The following ADAMTS2 variants were observed in gnomAD, a reference collection of about 807,000 sequenced individuals.
ADAMTS2 encodes A disintegrin and metalloproteinase with thrombospondin motifs 2.
A neutral mutation model predicts 123.0 loss-of-function variants in ADAMTS2; 50 were observed. The observed-to-expected ratio is 0.41, with a 90% CI of 0.32 to 0.51. The LOEUF (loss-of-function observed/expected upper bound fraction) is 0.51. ADAMTS2 is among the 20% of genes least tolerant of loss of function. ADAMTS2 has a pLI of 0.35. For synonymous variants in ADAMTS2, 678 were observed against 695.4 expected (o/e 0.98, Z 0.39); for missense variants, 1,494 against 1,705.2 (o/e 0.88, Z 2.18).
chr5:179,167,650 C>T (rs998593055), intron 5 of ADAMTS2, among the ~76,000 whole-genome samples: 11 of 152,190 alleles, frequency 7.2e-5, no homozygotes, highest in African/African-American at 2.7e-4. Context: ...GGCCGCCACG[C>T]GACCGAGGCT....
intron 9 of ADAMTS2, 71 bp from the exon 10 acceptor site, chr5:179,152,326 C>A (rs770450527): frequency 6.9e-7 from 1 of 1,453,288 alleles, no homozygotes. Flanking sequence ...CACCCACCCC[C>A]GGGTTCTGGA....
In ADAMTS2 at chr5:179,228,072, G is replaced by A. The variant is rs998548783; in HGVS notation, c.689-20357C>T. 1.8e-4 allele frequency among the ~76,000 whole-genome samples: 28 copies of A among 152,184 alleles called. No homozygotes were observed. The highest frequency in any genetic ancestry group is 4.4e-5 in the Non-Finnish European group (3 of 68,020). On this transcript the variant is annotated intron_variant, in intron 3 of 21. Transcript: ENST00000251582. This position sits in a 1 kb window ranked among gnomAD's most constrained non-coding sequence, Gnocchi z 5.2. Reference sequence around the variant, plus strand: ...GGAGGAGGAGAAGGCCGTGTGGGGCGTGTTGGGCTGAGATTTCTGTGGGGA... The same window carrying A: ...GGAGGAGGAGAAGGCCGTGTGGGGCATGTTGGGCTGAGATTTCTGTGGGGA...
In ADAMTS2 at chr5:179,129,916, C is replaced by A. The variant is rs1187504628; in HGVS notation, c.2457+16G>T. On this transcript the variant is annotated intron_variant, in intron 16 of 21. Transcript: ENST00000251582. The surrounding 1 kb of genome is among the most constrained non-coding windows in gnomAD (Gnocchi z 4.1). Reference sequence around the variant, plus strand: ...CACCCGCACCCTTCCCTGGGCCCAGCCCTGCTTGGACTCACCAGAACGGTG... The same window carrying A: ...CACCCGCACCCTTCCCTGGGCCCAGACCTGCTTGGACTCACCAGAACGGTG... 5 of 1,613,670 alleles carry A rather than the reference C, an allele frequency of 3.1e-6. No homozygotes were observed. The African/African-American group carries it at 5.3e-5, about 17-fold the overall frequency.
chr5:179,334,545 C>A (rs928534355), intron 2 of ADAMTS2, among the ~76,000 whole-genome samples: 1 of 152,166 alleles, frequency 6.6e-6, no homozygotes, highest in Non-Finnish European at 1.5e-5. Flanking sequence ...AGAGAAATAC[C>A]GGGGGCGTTG....
At chr5:179,178,330 G>A (rs537973752) in intron 5 of ADAMTS2, among the ~76,000 whole-genome samples, 1 of 115,202 alleles carries the variant, frequency 8.7e-6, no homozygotes, top group East Asian at 4.8e-4. Flanking sequence ...CCACCCCCAG[G>A]CTCTGCATCT....
chr5:179,244,804 C>T (rs537944597), intron 3 of ADAMTS2, among the ~76,000 whole-genome samples: 59 of 152,154 alleles, frequency 3.9e-4, no homozygotes, highest in Admixed American at 1.7e-3. Flanking sequence ...TTGAATCCAC[C>T]GCAACAAATG....
At chr5:179,343,072 T>A (rs2127463062) in intron 2 of ADAMTS2, among the ~76,000 whole-genome samples, 2 of 152,220 alleles carry the variant, frequency 1.3e-5, no homozygotes, top group African/African-American at 4.8e-5. Context: ...GAAAACCAAC[T>A]TTTCAAAGAA....
In ADAMTS2 at chr5:179,345,111, T is replaced by C. The variant is rs1757902300; in HGVS notation, c.139+79A>G. Reference sequence around the variant, plus strand: ...TGCCCAAGTCAGGCTGGACGACGCCTGGGGAGGGGGCGGCGGGGCACGCGG... The same window carrying C: ...TGCCCAAGTCAGGCTGGACGACGCCCGGGGAGGGGGCGGCGGGGCACGCGG... On this transcript the variant is annotated intron_variant, in intron 1 of 21. Transcript: ENST00000251582. The surrounding 1 kb of genome is among the most constrained non-coding windows in gnomAD (Gnocchi z 7.5). 3 of 999,264 alleles carry C rather than the reference T, an allele frequency of 3.0e-6. No individual in the cohort carries two copies. Among genetic ancestry groups the C allele is most frequent in the African/African-American group, 1.7e-5 (1 of 57,144 alleles). The allele number at this position is 999,264 out of a possible 1,614,324, so 61.9% of individuals were successfully genotyped here.
chr5:179,143,647 G>A (rs1265018832), intron 10 of ADAMTS2, among the ~76,000 whole-genome samples: 4 of 152,244 alleles, frequency 2.6e-5, no homozygotes, highest in South Asian at 2.1e-4. Context: ...TTATAAAAGC[G>A]CCAGAGGGAG....
rs772848383 is a variant in ADAMTS2, at chr5:179,344,161, C to T, written c.140G>A (p.Gly47Asp). The T allele has an allele frequency of 6.3e-6, 10 of 1,596,768 alleles. 1 individual carries two copies. The South Asian group carries it at 1.1e-4, about 18-fold the overall frequency. ...ARLAAAADPPGGPLGHGAERI... is the reference protein window; with the variant it reads ...ARLAAAADPPDGPLGHGAERI... ...CTCCGCTCCGTGCCCCAGGGGCCCG[C>T]CTGCAACGGGAAGGGGCGTTAGATC... The change falls in exon 2 of 22, where the codon GGC becomes GAC. Residue 47 changes from glycine (G) to aspartate (D), a missense_variant and splice_region_variant. Transcript: ENST00000251582.
chr5:179,335,744 T>C (rs1225441157), intron 2 of ADAMTS2, among the ~76,000 whole-genome samples: 1 of 152,226 alleles, frequency 6.6e-6, no homozygotes, highest in African/African-American at 2.4e-5. Context: ...TAGCAAGCCT[T>C]AGACAAGCCT....
At chr5:179,177,700 T>C (rs1763962005) in intron 5 of ADAMTS2, among the ~76,000 whole-genome samples, 1 of 152,158 alleles carries the variant, frequency 6.6e-6, no homozygotes, top group African/African-American at 2.4e-5. Flanking sequence ...TTTGACTCTC[T>C]TCTGCAAATG....
chr5:179,344,823 C>T lies in ADAMTS2; in HGVS notation c.139+367G>A, dbSNP rs1757893859. 2.0e-5 allele frequency among the ~76,000 whole-genome samples: 3 copies of T among 152,138 alleles called. No homozygotes were observed. The South Asian group carries it at 6.2e-4, about 31-fold the overall frequency. ...GGGCCCAAGGCTACGCGCTCGGCAG[C>T]CGGCTCCTCCGGAGCGTCCCCGGAC... On this transcript the variant is annotated intron_variant, in intron 1 of 21. Coordinates refer to ENST00000251582, the MANE Select transcript of ADAMTS2 (RefSeq NM_014244.5).
intron 4 of ADAMTS2, among the ~76,000 whole-genome samples, chr5:179,186,764 C>T (rs1387911028): frequency 6.6e-6 from 1 of 152,070 alleles, no homozygotes; most frequent in East Asian, 1.9e-4. Flanking sequence ...CCCTCCTCCC[C>T]CGGCCCCACC....
rs557282673 is a variant in ADAMTS2 at position 179,312,717 on chromosome 5, A to G, written c.534+31050T>C. 1.6e-4 allele frequency among the ~76,000 whole-genome samples: 25 copies of G among 152,356 alleles called. No individual in the cohort carries two copies. The highest frequency in any genetic ancestry group is 5.5e-4 in the African/African-American group (23 of 41,576). ...GTCGGCCCTGAAGCCCAGAGCGAAG[A>G]GGCCACAAGCCAAGCACTGCTGGCT... is the stretch of plus-strand genomic sequence containing the variant. On this transcript the variant is annotated intron_variant, in intron 2 of 21. Transcript: ENST00000251582. The surrounding 1 kb of genome is among the most constrained non-coding windows in gnomAD (Gnocchi z 4.2).
At chr5:179,231,027 G>A (rs1277394212) in intron 3 of ADAMTS2, among the ~76,000 whole-genome samples, 13 of 152,026 alleles carry the variant, frequency 8.6e-5, no homozygotes, top group Admixed American at 8.5e-4. Flanking sequence ...AAAAAGCCGG[G>A]GGGGCTACCA....
chr5:179,266,816 G>C (rs1029719454), intron 3 of ADAMTS2, among the ~76,000 whole-genome samples: 3 of 152,194 alleles, frequency 2.0e-5, no homozygotes, highest in Non-Finnish European at 4.4e-5. Context: ...TGTGTCAGTG[G>C]GGCTGGCTAT....
chr5:179,341,562 A>G (rs1029908110), intron 2 of ADAMTS2, among the ~76,000 whole-genome samples: 4 of 151,988 alleles, frequency 2.6e-5, no homozygotes, highest in Non-Finnish European at 5.9e-5. Context: ...AATAAAAAAA[A>G]ATTAGCTGCA....
At position 179,128,344 on chromosome 5, in the gene ADAMTS2, G is replaced by A. The variant is rs1011655333; in HGVS notation, c.2458-226C>T. Among the ~76,000 whole-genome samples, 1 of 152,142 alleles carries A rather than the reference G, an allele frequency of 6.6e-6. No homozygotes were observed. Among genetic ancestry groups the A allele is most frequent in the Non-Finnish European group, 1.5e-5 (1 of 68,032 alleles). On this transcript the variant is annotated intron_variant, in intron 16 of 21. Coordinates refer to ENST00000251582, the MANE Select transcript of ADAMTS2 (RefSeq NM_014244.5). The surrounding 1 kb of genome is among the most constrained non-coding windows in gnomAD (Gnocchi z 4.9). ...CTCTGTCTCAACATTTTTGTTACCCGATCAATATATAACCTTGTTTTATGT... is the reference window on the plus strand; with the variant it reads ...CTCTGTCTCAACATTTTTGTTACCCAATCAATATATAACCTTGTTTTATGT...
Sources: allele counts gnomAD v4.1 joint callset (sites outside exome capture counted in the v4.1 genomes callset), GRCh38; gene constraint gnomAD v4.1.1; non-coding constraint Gnocchi (gnomAD v3.1); transcripts MANE v1.5; gene names NCBI Gene and HGNC (gene_info 2026-07-23, HGNC 2026-07-21).